PCDHGA4: variants seen among roughly 807,000 people sequenced by gnomAD.
PCDHGA4 encodes protocadherin gamma-A4.
A neutral mutation model predicts 54.6 loss-of-function variants in PCDHGA4; 38 were observed. That is an observed-to-expected ratio of 0.70 (90% CI 0.54 to 0.91). PCDHGA4 has a LOEUF of 0.91. Among genes scored for constraint, PCDHGA4 ranks in the 40% least tolerant of loss-of-function variants. The probability of loss-of-function intolerance (pLI) is 0.00; values close to 1 mark genes in which losing one functional copy is unlikely to be tolerated. For synonymous variants in PCDHGA4, 511 were observed against 512.9 expected (o/e 1.00, Z 0.05); for missense variants, 1,298 against 1,220.9 (o/e 1.06, Z -0.94).
chr5:141,478,418 C>T, intron 1 of PCDHGA4: 1 of 1,613,650 alleles, frequency 6.2e-7, no homozygotes, highest in Non-Finnish European at 8.5e-7. Context: ...GGACTCCCGC[C>T]GCAGCGACCC....
chr5:141,364,438 G>A, intron 1 of PCDHGA4: 1 of 1,613,820 alleles, frequency 6.2e-7, no homozygotes, highest in Non-Finnish European at 8.5e-7. Context: ...ACTCGATGCC[G>A]GAGGAGCTGG....
chr5:141,405,185 G>C (rs777099869), intron 1 of PCDHGA4: 4 of 1,613,066 alleles, frequency 2.5e-6, no homozygotes, highest in Non-Finnish European at 3.4e-6. Context: ...GGGTGTAGAT[G>C]GGGTTCGAGC....
Position 141,490,151 on chromosome 5 carries a change from T to A in PCDHGA4, c.2515-4656T>A, listed in dbSNP as rs1449636059. 6.2e-6 allele frequency: 10 copies of A among 1,614,210 alleles called. No homozygotes were observed. The highest frequency in any genetic ancestry group is 8.5e-6 in the Non-Finnish European group (10 of 1,180,018). On this transcript the variant is annotated intron_variant, in intron 1 of 3. Transcript: ENST00000571252. This position sits in a 1 kb window ranked among gnomAD's most constrained non-coding sequence, Gnocchi z 5.4. ...GACCCTAGCAGTGGGGCAATCCATG[T>A]GTTGGGTCCCATAGACTTTGAGGAG... is the stretch of plus-strand genomic sequence containing the variant.
intron 1 of PCDHGA4, chr5:141,385,163 A>T: frequency 6.2e-7 from 1 of 1,614,182 alleles, no homozygotes; most frequent in Non-Finnish European, 8.5e-7. Flanking sequence ...ACCTATTCCC[A>T]TGAGGTCTCC....
At chr5:141,408,121 T>C in intron 1 of PCDHGA4, 1 of 1,475,406 alleles carries the variant, frequency 6.8e-7, no homozygotes, top group South Asian at 1.4e-5. Context: ...CCTCCTGTCC[T>C]GGGCCGAATG....
rs922405350 is a variant in PCDHGA4, at chr5:141,512,227, T to C, written c.*1054T>C. 5 of 152,764 alleles carry C rather than the reference T, an allele frequency of 3.3e-5. No homozygotes were observed. The highest frequency in any genetic ancestry group is 1.2e-4 in the African/African-American group (5 of 41,552). 9.5% of individuals were successfully genotyped at this position (152,764 alleles called of 1,614,324 possible). On this transcript the variant is annotated 3_prime_UTR_variant, in exon 4 of 4. Transcript: ENST00000571252. ...AAGCAGGTTTAGGACCAGGTCCCCTTGAGAGGTCAGAGGGGCCTCTGTGGG... is the reference window on the plus strand; with the variant it reads ...AAGCAGGTTTAGGACCAGGTCCCCTCGAGAGGTCAGAGGGGCCTCTGTGGG...
intron 1 of PCDHGA4, among the ~76,000 whole-genome samples, chr5:141,402,192 CTT>C (rs1205831935): frequency 6.6e-6 from 1 of 152,006 alleles, no homozygotes; most frequent in Non-Finnish European, 1.5e-5. Flanking sequence ...ATTAATATTA[CTT>C]TTATAATACA....
At chr5:141,413,318 T>C in intron 1 of PCDHGA4, 1 of 1,613,968 alleles carries the variant, frequency 6.2e-7, no homozygotes, top group Non-Finnish European at 8.5e-7. Flanking sequence ...AAAGGCTCTT[T>C]CGTGGGCAAC....
chr5:141,494,510 C>T (rs1462702765), intron 1 of PCDHGA4, among the ~76,000 whole-genome samples: 1 of 152,156 alleles, frequency 6.6e-6, no homozygotes, highest in Non-Finnish European at 1.5e-5. Context: ...TGAATTTTGG[C>T]TCAGGAGTTC....
rs557975319 is a variant in PCDHGA4 at position 141,381,867 on chromosome 5, T to C, written c.2514+24246T>C. ...TTTTTTTGGCAGAGTTTTGCTCTTGTTGTCCAGGCTGGAGTGCAATGGTGT... is the reference window on the plus strand; with the variant it reads ...TTTTTTTGGCAGAGTTTTGCTCTTGCTGTCCAGGCTGGAGTGCAATGGTGT... On this transcript the variant is annotated intron_variant, in intron 1 of 3. Coordinates refer to ENST00000571252, the MANE Select transcript of PCDHGA4 (RefSeq NM_018917.4). Among the ~76,000 whole-genome samples, 9 of 148,494 alleles carry C rather than the reference T, an allele frequency of 6.1e-5. No homozygotes were observed. In the South Asian group the frequency reaches 2.0e-3, roughly 33 times the overall value.
rs754268147 is a variant in PCDHGA4, at chr5:141,410,352, G to C, written c.2514+52731G>C. ...CTGGCCATTGCCTTGCGCCTGCGAC[G>C]CTCTCTCAGCCCTGCTACTTGGGAC... On this transcript the variant is annotated intron_variant, in intron 1 of 3. Coordinates refer to ENST00000571252, the MANE Select transcript of PCDHGA4 (RefSeq NM_018917.4). The C allele has an allele frequency of 6.2e-6, 10 of 1,614,022 alleles. No homozygotes were observed. In the South Asian group the frequency reaches 1.1e-4, roughly 18 times the overall value.
At chr5:141,387,558 C>G (rs1456100013) in intron 1 of PCDHGA4, 1 of 417,976 alleles carries the variant, frequency 2.4e-6, no homozygotes, top group Non-Finnish European at 4.2e-6. Context: ...TTCAGTTAGG[C>G]ACACAATTAT....
At position 141,511,482 on chromosome 5, in the gene PCDHGA4, C is replaced by A. The variant is rs761434245; in HGVS notation, c.*309C>A. ...CACACCCCGTTTAGTTACAGCTGAA[C>A]TCCTCCATCTTCCAAATCAATCAGG... On this transcript the variant is annotated 3_prime_UTR_variant, in exon 4 of 4. Coordinates refer to ENST00000571252, the MANE Select transcript of PCDHGA4 (RefSeq NM_018917.4). The A allele has an allele frequency of 2.4e-4, 113 of 464,462 alleles. No homozygotes were observed. Among genetic ancestry groups the A allele is most frequent in the Non-Finnish European group, 4.0e-4 (105 of 260,154 alleles). The allele number at this position is 464,462 out of a possible 1,614,324, so 28.8% of individuals were successfully genotyped here. A position where few individuals can be genotyped will look rare whatever the true frequency, so the allele number is the denominator to read the frequency against.
rs2094321391 is a variant in PCDHGA4, at chr5:141,402,912, G to GCTTCATCA, written c.2514+45292_2514+45293insTTCATCAC. ...AAGAAAGAACCTGATGAAGCAGCGCGCACAGAGATCCTTTTGAGAAAATTC... is the reference window on the plus strand; with the variant it reads ...AAGAAAGAACCTGATGAAGCAGCGCGCTTCATCACACAGAGATCCTTTTGAGAAAATTC... On this transcript the variant is annotated intron_variant, in intron 1 of 3. Coordinates refer to ENST00000571252, the MANE Select transcript of PCDHGA4 (RefSeq NM_018917.4). 6 of 1,553,880 alleles carry GCTTCATCA rather than the reference G, an allele frequency of 3.9e-6. No individual in the cohort carries two copies. In the African/African-American group the frequency reaches 8.2e-5, roughly 21 times the overall value.
At position 141,486,804 on chromosome 5, in the gene PCDHGA4, C is replaced by G. The variant is rs755001457; in HGVS notation, c.2515-8003C>G. On this transcript the variant is annotated intron_variant, in intron 1 of 3. Transcript: ENST00000571252. This position sits in a 1 kb window ranked among gnomAD's most constrained non-coding sequence, Gnocchi z 5.0. ...CAGGCCCGGGATCGGGGCAACCCAC[C>G]CCTTAGCAGCACTGTAACAGTTCGT... 2 of 1,614,232 alleles carry G rather than the reference C, an allele frequency of 1.2e-6. No homozygotes were observed. The highest frequency in any genetic ancestry group is 3.3e-5 in the Admixed American group (2 of 60,032).
intron 1 of PCDHGA4, chr5:141,389,722 G>T (rs141134077): frequency 1.9e-6 from 3 of 1,612,560 alleles, no homozygotes; most frequent in Non-Finnish European, 1.7e-6. Context: ...AGCGAGCCCG[G>T]GCTCTTCAGC....
chr5:141,463,938 T>A (rs1378018670), intron 1 of PCDHGA4, among the ~76,000 whole-genome samples: 3 of 152,168 alleles, frequency 2.0e-5, no homozygotes, highest in Non-Finnish European at 4.4e-5. Context: ...TATAAATTTA[T>A]AGAAATCTTC....
At chr5:141,498,105 G>A (rs150297456) in intron 2 of PCDHGA4, among the ~76,000 whole-genome samples, 4 of 152,206 alleles carry the variant, frequency 2.6e-5, no homozygotes, top group African/African-American at 9.7e-5. Flanking sequence ...TGGTGTGGGC[G>A]TATAATAGGG....
intron 1 of PCDHGA4, among the ~76,000 whole-genome samples, chr5:141,463,346 C>G (rs963070531): frequency 6.7e-6 from 1 of 150,312 alleles, no homozygotes; most frequent in Non-Finnish European, 1.5e-5. Context: ...TGGTGTTATT[C>G]TTGGATTTCC....
Sources: allele counts gnomAD v4.1 joint callset (sites outside exome capture counted in the v4.1 genomes callset), GRCh38; gene constraint gnomAD v4.1.1; non-coding constraint Gnocchi (gnomAD v3.1); transcripts MANE v1.5; gene names NCBI Gene and HGNC (gene_info 2026-07-23, HGNC 2026-07-21).